CCDC178: variants seen among roughly 807,000 people sequenced by gnomAD.
CCDC178 encodes coiled-coil domain containing 178, also known as coiled-coil domain-containing protein 178.
A neutral mutation model predicts 117.4 loss-of-function variants in CCDC178; 126 were observed. That is an observed-to-expected ratio of 1.07 (90% CI 0.93 to 1.24). The LOEUF is 1.24. CCDC178 is among the 50% of genes most tolerant of loss of function. The pLI is 0.00. For synonymous variants in CCDC178, 283 were observed against 313.4 expected (o/e 0.90, Z 1.02); for missense variants, 1,030 against 986.9 (o/e 1.04, Z -0.59).
chr18:33,358,625 G>T (rs1205668454), intron 6 of CCDC178, among the ~76,000 whole-genome samples: 1 of 151,660 alleles, frequency 6.6e-6, no homozygotes, highest in Non-Finnish European at 1.5e-5. Flanking sequence ...ATGCAAAAAA[G>T]AAATCAATTT....
intron 22 of CCDC178, among the ~76,000 whole-genome samples, chr18:32,953,159 C>CA (rs2054525158): frequency 6.6e-6 from 1 of 152,206 alleles, no homozygotes; most frequent in Non-Finnish European, 1.5e-5. Flanking sequence ...TCATCTCTCT[C>CA]AAGTTCCAAG....
intron 22 of CCDC178, among the ~76,000 whole-genome samples, chr18:32,964,947 G>C (rs1295246951): frequency 1.3e-5 from 2 of 151,828 alleles, no homozygotes; most frequent in East Asian, 1.9e-4. Context: ...AACAGAGCGG[G>C]ACTGTATCTT....
At chr18:33,067,328 C>A (rs2057034305) in intron 21 of CCDC178, among the ~76,000 whole-genome samples, 1 of 152,006 alleles carries the variant, frequency 6.6e-6, no homozygotes, top group African/African-American at 2.4e-5. Flanking sequence ...ATACAACATA[C>A]AAAAAGCTAT....
intron 2 of CCDC178, among the ~76,000 whole-genome samples, chr18:33,423,047 G>T (rs2064051816): frequency 6.6e-6 from 1 of 151,948 alleles, no homozygotes; most frequent in Non-Finnish European, 1.5e-5. Flanking sequence ...TATCATTCTG[G>T]TCAGAAAATC....
At chr18:32,945,569 T>A (rs1448451990) in intron 22 of CCDC178, among the ~76,000 whole-genome samples, 2 of 152,224 alleles carry the variant, frequency 1.3e-5, no homozygotes, top group African/African-American at 4.8e-5. Flanking sequence ...CAGCTCAATA[T>A]GAGCTTTCAC....
chr18:33,268,174 T>C lies in CCDC178; in HGVS notation c.1177-877A>G, dbSNP rs1478780984. On this transcript the variant is annotated intron_variant, in intron 12 of 22. Coordinates refer to ENST00000383096, the MANE Select transcript of CCDC178 (RefSeq NM_001105528.4). The stretch of plus-strand genomic sequence containing the variant: ...GAAGTTCACATGGAAAAAAGGTATC[T>C]GAGACTACCCAAAAGGTATCTGAAA... Among the ~76,000 whole-genome samples, 14 of 151,796 alleles carry C rather than the reference T, an allele frequency of 9.2e-5. 1 individual carries two copies. Among genetic ancestry groups the C allele is most frequent in the Admixed American group, 9.2e-4 (14 of 15,184 alleles).
chr18:33,345,561 A>C (rs1381252432), intron 9 of CCDC178, among the ~76,000 whole-genome samples: 6 of 152,146 alleles, frequency 3.9e-5, no homozygotes, highest in Non-Finnish European at 8.8e-5. Flanking sequence ...AAACTCTTTC[A>C]ATTTTCCTAG....
chr18:33,082,577 T>C (rs1415345482), intron 21 of CCDC178, among the ~76,000 whole-genome samples: 4 of 152,220 alleles, frequency 2.6e-5, no homozygotes, highest in Admixed American at 2.6e-4. Flanking sequence ...AATGATTGTG[T>C]GGCTCACTAT....
chr18:33,061,892 C>A (rs1256380473), intron 21 of CCDC178, among the ~76,000 whole-genome samples: 3 of 152,012 alleles, frequency 2.0e-5, no homozygotes, highest in Non-Finnish European at 4.4e-5. Flanking sequence ...AATCAGATAT[C>A]AATGGGGGAT....
chr18:33,258,068 CTA>C (rs2059700682), intron 14 of CCDC178, among the ~76,000 whole-genome samples: 6 of 151,832 alleles, frequency 4.0e-5, no homozygotes. Context: ...AAGCCTTTAT[CTA>C]TATGTCTTAA....
chr18:33,196,098 G>C (rs1233256914), intron 20 of CCDC178, among the ~76,000 whole-genome samples: 1 of 152,140 alleles, frequency 6.6e-6, no homozygotes, highest in Non-Finnish European at 1.5e-5. Flanking sequence ...CACATATTAG[G>C]TTGGTGCAAA....
At chr18:33,029,536 T>C (rs1430041369) in intron 21 of CCDC178, among the ~76,000 whole-genome samples, 1 of 151,950 alleles carries the variant, frequency 6.6e-6, no homozygotes, top group Non-Finnish European at 1.5e-5. Context: ...ATTATTTCCT[T>C]TTTATATCCT....
intron 5 of CCDC178, among the ~76,000 whole-genome samples, chr18:33,382,364 A>C (rs1337830393): frequency 6.6e-6 from 1 of 152,174 alleles, no homozygotes; most frequent in Non-Finnish European, 1.5e-5. Context: ...TCTGGAACTA[A>C]AAAGTACGCA....
chr18:33,398,623 T>C (rs937545587), intron 3 of CCDC178, among the ~76,000 whole-genome samples: 3 of 152,126 alleles, frequency 2.0e-5, no homozygotes, highest in African/African-American at 4.8e-5. Flanking sequence ...ACCCCAGACA[T>C]AGTAAGTGTT....
At chr18:33,063,618 C>G (rs184411260) in intron 21 of CCDC178, among the ~76,000 whole-genome samples, 220 of 152,280 alleles carry the variant, frequency 1.4e-3, no homozygotes, top group African/African-American at 5.1e-3. Flanking sequence ...TACCACTACA[C>G]ACGCTGTACA....
chr18:33,245,151 A>T, intron 15 of CCDC178, 94 bp downstream of exon 15: 1 of 1,181,906 alleles, frequency 8.5e-7, no homozygotes, highest in Non-Finnish European at 1.1e-6. Context: ...GTTAATCCTT[A>T]AATTAAAATC....
intron 11 of CCDC178, among the ~76,000 whole-genome samples, chr18:33,302,070 C>T (rs1322420133): frequency 6.6e-6 from 1 of 152,100 alleles, no homozygotes; most frequent in Non-Finnish European, 1.5e-5. Flanking sequence ...GTGGTGTCCT[C>T]AGGATAGTGA....
intron 14 of CCDC178, among the ~76,000 whole-genome samples, chr18:33,255,090 C>T (rs1037970773): frequency 1.3e-5 from 2 of 151,950 alleles, no homozygotes; most frequent in African/African-American, 4.8e-5. Context: ...TGTTATAAAA[C>T]CAGGATGCCT....
chr18:33,010,903 G>GT (rs2055849772), intron 21 of CCDC178, among the ~76,000 whole-genome samples: 1 of 152,174 alleles, frequency 6.6e-6, no homozygotes, highest in Non-Finnish European at 1.5e-5. Context: ...AGAGTGCTGT[G>GT]TTAAGGTATT....
Sources: allele counts gnomAD v4.1 joint callset (sites outside exome capture counted in the v4.1 genomes callset), GRCh38; gene constraint gnomAD v4.1.1; transcripts MANE v1.5; gene names NCBI Gene and HGNC (gene_info 2026-07-23, HGNC 2026-07-21).